Variants in PTPDC1 observed in about 807,000 individuals in gnomAD.
PTPDC1 encodes protein tyrosine phosphatase domain-containing protein 1.
PTPDC1 carries 53 observed loss-of-function variants against 75.3 expected under a neutral mutation model. The ratio of observed to expected loss-of-function variants is 0.70; its 90% CI spans 0.56 to 0.88. PTPDC1 has a LOEUF of 0.88. PTPDC1 is among the 40% of genes least tolerant of loss of function. The pLI is 0.00. For synonymous variants in PTPDC1, 349 were observed against 366.2 expected, an observed-to-expected ratio of 0.95 and a Z score of 0.54; for missense variants, 925 against 998.6, an observed-to-expected ratio of 0.93 and a Z score of 0.99.
intron 2 of PTPDC1, among the ~76,000 whole-genome samples, chr9:94,069,274 C>T (rs1217771998): frequency 6.6e-6 from 1 of 152,132 alleles, no homozygotes; most frequent in Non-Finnish European, 1.5e-5. Flanking sequence ...GGGATTGGTT[C>T]CAGGACCCTC....
chr9:94,084,729 A>G lies in PTPDC1; in HGVS notation c.199A>G (p.Ser67Gly). Residue 67 changes from serine (S) to glycine (G), a missense_variant, in exon 1 of 9, where the codon AGC becomes GGC. Ser to Gly is a moderately conservative substitution (Grantham distance 56). Coordinates refer to ENST00000620992, the MANE Select transcript of PTPDC1 (RefSeq NM_001253829.2). ...GGTGATGGTGGCTGTTTCCTCAGTC[A>G]GCCATGCAGAGGGAAACCCAACTTT... is the stretch of plus-strand genomic sequence containing the variant. ...LQVMVAVSSVSHAEGNPTFPE... is the reference protein window; with the variant it reads ...LQVMVAVSSVGHAEGNPTFPE... 6.2e-7 allele frequency: 1 copy of G among 1,605,926 alleles called. No individual in the cohort carries two copies. Among genetic ancestry groups the G allele is most frequent in the Non-Finnish European group, 8.5e-7 (1 of 1,177,128 alleles).
chr9:94,078,324 A>G (rs1826763510), intron 2 of PTPDC1, among the ~76,000 whole-genome samples: 1 of 152,192 alleles, frequency 6.6e-6, no homozygotes, highest in South Asian at 2.1e-4. Flanking sequence ...CACTTTGAAT[A>G]TGTCGTTCCT....
At chr9:94,040,876 A>G (rs1184518680) in intron 1 of PTPDC1, among the ~76,000 whole-genome samples, 1 of 152,186 alleles carries the variant, frequency 6.6e-6, no homozygotes, top group Admixed American at 6.5e-5. Flanking sequence ...GGCAATTTAT[A>G]GTATTCACTG....
intron 2 of PTPDC1, among the ~76,000 whole-genome samples, chr9:94,074,407 G>A (rs1364105085): frequency 6.6e-6 from 1 of 152,154 alleles, no homozygotes; most frequent in Non-Finnish European, 1.5e-5. Context: ...TCAGCAACAT[G>A]AGAAAAAACA....
At chr9:94,094,591 G>T (rs868615111) in intron 4 of PTPDC1, among the ~76,000 whole-genome samples, 1 of 152,138 alleles carries the variant, frequency 6.6e-6, no homozygotes, top group Non-Finnish European at 1.5e-5. Flanking sequence ...TCCTTGAGCT[G>T]TGGTGGGCTC....
intron 1 of PTPDC1, among the ~76,000 whole-genome samples, chr9:94,051,526 G>C (rs1421192534): frequency 6.6e-6 from 1 of 152,166 alleles, no homozygotes; most frequent in African/African-American, 2.4e-5. Flanking sequence ...AGAGATTATA[G>C]AATTGGTATT....
intron 1 of PTPDC1, among the ~76,000 whole-genome samples, chr9:94,054,057 G>A (rs1825861946): frequency 6.6e-6 from 1 of 152,156 alleles, no homozygotes; most frequent in Admixed American, 6.6e-5. Flanking sequence ...TCCTGTTCTA[G>A]GCTTTGGAGA....
chr9:94,082,544 T>G (rs140945204), upstream of PTPDC1, among the ~76,000 whole-genome samples: 566 of 152,336 alleles, frequency 3.7e-3, 5 homozygotes, highest in African/African-American at 0.013. Context: ...CAGTATCTCA[T>G]TTTGTTCCTT....
chr9:94,076,094 G>A lies in PTPDC1; in HGVS notation c.83-9157G>A, dbSNP rs977248784. ...GGCTCACTGCAACCTCTGTCTCCCA[G>A]TTTTCAAGCAATTCTTCTGCCTCAG... On this transcript the variant is annotated intron_variant, in intron 2 of 9. Transcript: ENST00000375360. Among the ~76,000 whole-genome samples the A allele has an allele frequency of 2.0e-5, 3 of 152,108 alleles. No individual in the cohort carries two copies. In the East Asian group the frequency reaches 5.8e-4, roughly 29 times the overall value.
At chr9:94,094,916 G>A (rs4744314) in intron 4 of PTPDC1, among the ~76,000 whole-genome samples, 99,286 of 152,194 alleles carry the variant, frequency 0.65, 34,549 homozygotes, top group African/African-American at 0.9. Context: ...AAGTGAGGCA[G>A]TGCCTCGCCC....
At chr9:94,043,317 T>C (rs914499121) in intron 1 of PTPDC1, among the ~76,000 whole-genome samples, 9 of 152,220 alleles carry the variant, frequency 5.9e-5, no homozygotes, top group African/African-American at 2.2e-4. Context: ...ACATCCCCTA[T>C]ACTGAGCATC....
intron 1 of PTPDC1, chr9:94,037,989 G>A: frequency 3.1e-6 from 1 of 320,428 alleles, no homozygotes; most frequent in South Asian, 3.4e-5. Flanking sequence ...CGGCTTCGGG[G>A]TAGGAACCTT....
At position 94,107,988 on chromosome 9, in the gene PTPDC1, T is replaced by G. The variant is rs753777324; in HGVS notation, c.*44T>G. ...ATTTCAGACCTAAAGATCCAGATAG[T>G]ATCTCTGTTCATATGTGAATAAGTT... is the stretch of plus-strand genomic sequence containing the variant. On this transcript the variant is annotated 3_prime_UTR_variant, in exon 9 of 9. Transcript: ENST00000620992. The G allele has an allele frequency of 8.5e-7, 1 of 1,183,116 alleles. No individual in the cohort carries two copies. The highest frequency in any genetic ancestry group is 1.5e-5 in the South Asian group (1 of 66,748). 73.3% of individuals were successfully genotyped at this position (1,183,116 alleles called of 1,614,324 possible). A position where few individuals can be genotyped will look rare whatever the true frequency, so the allele number is the denominator to read the frequency against.
rs115874290 is a variant in PTPDC1 at position 94,040,678 on chromosome 9, A to C, written c.-7+9551A>C. ...TTGGTCAATCTGTTTCAGTTTGTAT[A>C]TATTTATTTTTACATATTTGTACAC... On this transcript the variant is annotated intron_variant, in intron 1 of 9. Transcript: ENST00000375360. 4.6e-3 allele frequency among the ~76,000 whole-genome samples: 700 copies of C among 152,208 alleles called. 1 individual carries two copies. Among genetic ancestry groups the C allele is most frequent in the African/African-American group, 0.016 (671 of 41,552 alleles).
intron 1 of PTPDC1, among the ~76,000 whole-genome samples, chr9:94,051,163 G>A (rs1157501445): frequency 6.6e-6 from 1 of 152,218 alleles, no homozygotes; most frequent in East Asian, 1.9e-4. Context: ...CACTTCCCGG[G>A]TGAGGTGATG....
At position 94,098,080 on chromosome 9, in the gene PTPDC1, G is replaced by A; in HGVS notation, c.1514G>A (p.Ser505Asn). Residue 505 changes from serine to asparagine, a missense_variant, in exon 6 of 9, where the codon AGC becomes AAC. Ser to Asn is a conservative substitution (Grantham distance 46). Transcript: ENST00000620992. The part of the protein sequence containing the change: ...PDLHKEALVR[S>N]TLSFWSQSKF... The stretch of plus-strand genomic sequence containing the variant: ...TTACACAAGGAAGCCTTGGTTCGCA[G>A]CACACTTTCTTTCTGGAGTCAGTCA... 1 of 1,614,196 alleles carries A rather than the reference G, an allele frequency of 6.2e-7. No individual in the cohort carries two copies.
intron 1 of PTPDC1, among the ~76,000 whole-genome samples, chr9:94,046,259 A>G (rs1281493492): frequency 1.3e-5 from 2 of 152,164 alleles, no homozygotes; most frequent in Admixed American, 6.5e-5. Flanking sequence ...CTTATAGTAC[A>G]GTTTGAAGTC....
intron 4 of PTPDC1, among the ~76,000 whole-genome samples, chr9:94,093,064 G>A (rs1457813482): frequency 6.6e-6 from 1 of 151,958 alleles, no homozygotes; most frequent in Non-Finnish European, 1.5e-5. Flanking sequence ...TCTTTTAATT[G>A]GAGCATTTAG....
chr9:94,059,373 T>C (rs540745403), intron 1 of PTPDC1, among the ~76,000 whole-genome samples: 6 of 152,314 alleles, frequency 3.9e-5, no homozygotes, highest in African/African-American at 1.4e-4. Flanking sequence ...GAAAATAAAG[T>C]GGACAGTAGT....
Sources: allele counts gnomAD v4.1 joint callset (sites outside exome capture counted in the v4.1 genomes callset), GRCh38; gene constraint gnomAD v4.1.1; transcripts MANE v1.5; gene names NCBI Gene and HGNC (gene_info 2026-07-23, HGNC 2026-07-21).